CDH20: variants seen among roughly 807,000 people sequenced by gnomAD.
CDH20 encodes cadherin 20.
In CDH20, 29 loss-of-function variants were observed where a neutral mutation model predicts 74.2. That is an observed-to-expected ratio of 0.39 (90% confidence interval 0.29 to 0.53). CDH20 has a LOEUF of 0.53. Ranked by LOEUF, CDH20 falls within the 20% of genes least tolerant of loss-of-function variation. The probability of loss-of-function intolerance (pLI) is 0.69; values close to 1 mark genes in which losing one functional copy is unlikely to be tolerated. For missense variants in CDH20, 988 were observed against 1,048.3 expected, an observed-to-expected ratio of 0.94 and a Z score of 0.79; for synonymous variants, 469 against 405.4, an observed-to-expected ratio of 1.16 and a Z score of -1.88.
chr18:61,514,320 G>A (rs1312605772), intron 6 of CDH20, among the ~76,000 whole-genome samples: 3 of 152,176 alleles, frequency 2.0e-5, no homozygotes, highest in Admixed American at 1.3e-4. Context: ...CATTCTTCAC[G>A]TAGTTCACGA....
At chr18:61,483,832 C>T (rs2144283387) in intron 1 of CDH20, among the ~76,000 whole-genome samples, 1 of 152,270 alleles carries the variant, frequency 6.6e-6, no homozygotes, top group African/African-American at 2.4e-5. Flanking sequence ...AAATGACAAA[C>T]AGAGACATAA....
chr18:61,514,976 A>C lies in CDH20; in HGVS notation c.1017+7416A>C, dbSNP rs1046800301. ...TTGTTTGTCTGTGCCCTGCCCCCAG[A>C]GGTGGAGCCTACAGAGGCAGGCAGG... On this transcript the variant is annotated intron_variant, in intron 6 of 11. Transcript: ENST00000262717. 7.2e-4 allele frequency among the ~76,000 whole-genome samples: 109 copies of C among 151,862 alleles called. 1 individual carries two copies. The highest frequency in any genetic ancestry group is 2.9e-5 in the Non-Finnish European group (2 of 67,908).
chr18:61,471,392 A>G lies in CDH20; in HGVS notation c.-152-19010A>G, dbSNP rs1448740930. ...TTAGGTCCGTGACATACCAGAAATT[A>G]TATCTCCCAGCAAAAGTCATTTATT... On this transcript the variant is annotated intron_variant, in intron 1 of 11. Coordinates refer to ENST00000262717, the MANE Select transcript of CDH20 (RefSeq NM_031891.4). 2.0e-5 allele frequency among the ~76,000 whole-genome samples: 3 copies of G among 152,228 alleles called. No individual in the cohort carries two copies. The East Asian group carries it at 5.8e-4, about 29-fold the overall frequency.
At chr18:61,449,785 C>T (rs1392709266) in intron 1 of CDH20, among the ~76,000 whole-genome samples, 5 of 151,842 alleles carry the variant, frequency 3.3e-5, no homozygotes, top group African/African-American at 1.2e-4. Context: ...TATACACACA[C>T]ACATACATAT....
chr18:61,334,198 C>T (rs1171339235), intron 1 of CDH20: 2 of 152,136 alleles, frequency 1.3e-5, no homozygotes, highest in African/African-American at 4.8e-5. Context: ...ACGGCTTCAC[C>T]CTCGCTGGCC....
chr18:61,528,069 A>G lies in CDH20; in HGVS notation c.1120A>G (p.Thr374Ala). The G allele has an allele frequency of 6.2e-7, 1 of 1,614,190 alleles. No individual in the cohort carries two copies. The highest frequency in any genetic ancestry group is 2.2e-5 in the East Asian group (1 of 44,884). The change falls in exon 7 of 12, where the codon ACA (threonine) becomes GCA (alanine). Residue 374 changes from threonine to alanine, a missense_variant. Thr to Ala is a moderately conservative substitution (Grantham distance 58). Coordinates refer to ENST00000262717, the MANE Select transcript of CDH20 (RefSeq NM_031891.4). Reference sequence around the variant, plus strand: ...GAACTTGGGCCCATTTCAGGACACAACAACAGTGCACATCAGTGTGGAAGA... The same window carrying G: ...GAACTTGGGCCCATTTCAGGACACAGCAACAGTGCACATCAGTGTGGAAGA... ...FLNLGPFQDT[T>A]TVHISVEDVD...
At chr18:61,450,189 A>T (rs1411130585) in intron 1 of CDH20, among the ~76,000 whole-genome samples, 1 of 152,004 alleles carries the variant, frequency 6.6e-6, no homozygotes, top group African/African-American at 2.4e-5. Context: ...TATTACCATT[A>T]TCCCCATCTC....
At chr18:61,543,626 CACTCCAGAGTTCTGCTTCTG>C (rs377270230) in intron 9 of CDH20, among the ~76,000 whole-genome samples, 615 of 152,336 alleles carry the variant, frequency 4.0e-3, no homozygotes, top group Middle Eastern at 6.8e-3. Flanking sequence ...CTGCTCTCCC[CACTCCAGAGTTCTGCTTCTG>C]ACTCTTGTCT....
intron 1 of CDH20, among the ~76,000 whole-genome samples, chr18:61,443,095 A>G (rs1909085423): frequency 6.6e-6 from 1 of 152,194 alleles, no homozygotes; most frequent in South Asian, 2.1e-4. Flanking sequence ...GTGAAAGAAT[A>G]AAGGAAGGAA....
At chr18:61,463,916 A>G (rs1182383692) in intron 1 of CDH20, among the ~76,000 whole-genome samples, 3 of 152,148 alleles carry the variant, frequency 2.0e-5, no homozygotes, top group Non-Finnish European at 1.5e-5. Flanking sequence ...AGAAGGGCCC[A>G]GAAGTATCAT....
chr18:61,510,659 A>G (rs534977317), intron 6 of CDH20, among the ~76,000 whole-genome samples: 1 of 152,320 alleles, frequency 6.6e-6, no homozygotes, highest in East Asian at 1.9e-4. Flanking sequence ...AATTCCACCA[A>G]CCAGAAATCT....
chr18:61,536,039 GT>G (rs1433863203), intron 7 of CDH20, among the ~76,000 whole-genome samples: 1 of 152,116 alleles, frequency 6.6e-6, no homozygotes, highest in East Asian at 1.9e-4. Flanking sequence ...TTTCTCAATA[GT>G]TGATACAAAT....
intron 6 of CDH20, among the ~76,000 whole-genome samples, chr18:61,508,491 A>T (rs1160417677): frequency 6.7e-6 from 1 of 148,286 alleles, no homozygotes; most frequent in African/African-American, 2.5e-5. Flanking sequence ...CTTAAATTGG[A>T]TGGTTGGCTA....
chr18:61,443,174 G>C (rs541112622), intron 1 of CDH20, among the ~76,000 whole-genome samples: 1 of 152,120 alleles, frequency 6.6e-6, no homozygotes, highest in South Asian at 2.1e-4. Flanking sequence ...AATTGTGCTT[G>C]TTCAGTGAGC....
chr18:61,445,690 TAAA>T (rs1488005016), intron 1 of CDH20, among the ~76,000 whole-genome samples: 3 of 152,232 alleles, frequency 2.0e-5, no homozygotes, highest in African/African-American at 7.2e-5. Flanking sequence ...AGTACATTGC[TAAA>T]ACCCTATTCC....
rs534142630 is a variant in CDH20 at position 61,343,043 on chromosome 18, A to G, written c.-153+9216A>G. On this transcript the variant is annotated intron_variant, in intron 1 of 11. Transcript: ENST00000262717. ...TTGTCCACAGTGCCCCCAAAAGCCC[A>G]TTAATAGATGGTCTATTAGACTCCA... 1.1e-4 allele frequency among the ~76,000 whole-genome samples: 17 copies of G among 152,314 alleles called. No homozygotes were observed. In the South Asian group the frequency reaches 3.5e-3, roughly 32 times the overall value.
chr18:61,494,364 TCA>T (rs1348368591), intron 2 of CDH20, among the ~76,000 whole-genome samples: 2 of 152,138 alleles, frequency 1.3e-5, no homozygotes, highest in African/African-American at 4.8e-5. Flanking sequence ...CCTTGCATAC[TCA>T]CAATTAGTGC....
At chr18:61,337,487 T>C (rs771059808) in intron 1 of CDH20, among the ~76,000 whole-genome samples, 2 of 152,216 alleles carry the variant, frequency 1.3e-5, no homozygotes, top group Non-Finnish European at 1.5e-5. Flanking sequence ...AAAAAGTAAA[T>C]ATTTCATTTT....
intron 10 of CDH20, 161 bp from the exon 11 acceptor site, chr18:61,549,817 C>G (rs1913369845): frequency 1.4e-6 from 1 of 702,250 alleles, no homozygotes; most frequent in African/African-American, 1.8e-5. Context: ...TTTCTGAATC[C>G]AAATGCTGAT....
Sources: gnomAD v4.1 joint callset for allele counts (sites outside exome capture counted in the v4.1 genomes callset) on GRCh38, gnomAD v4.1.1 for gene constraint, MANE v1.5 for transcripts, NCBI Gene and HGNC (gene_info 2026-07-23, HGNC 2026-07-21) for gene names.